Variants in CARMIL1 observed in about 807,000 individuals in gnomAD.
CARMIL1 encodes the protein capping protein regulator and myosin 1 linker 1.
In CARMIL1, 90 loss-of-function variants were observed where a neutral mutation model predicts 177.1. The observed-to-expected ratio is 0.51, with a 90% CI of 0.43 to 0.61. CARMIL1 has a LOEUF of 0.61. CARMIL1 is among the 20% of genes least tolerant of loss of function. The pLI, the probability that CARMIL1 is intolerant of heterozygous loss-of-function variation, is 0.00. For missense variants in CARMIL1, 1,380 were observed against 1,667.0 expected, an observed-to-expected ratio of 0.83 and a Z score of 3.00; for synonymous variants, 577 against 606.2, an observed-to-expected ratio of 0.95 and a Z score of 0.71.
At chr6:25,503,271 C>A (rs538970740) in intron 17 of CARMIL1, among the ~76,000 whole-genome samples, 1 of 152,306 alleles carries the variant, frequency 6.6e-6, no homozygotes, top group East Asian at 1.9e-4. Context: ...CCACTTATAA[C>A]CTGAATCACA....
intron 2 of CARMIL1, among the ~76,000 whole-genome samples, chr6:25,310,887 G>A (rs1435382250): frequency 6.6e-6 from 1 of 152,152 alleles, no homozygotes; most frequent in African/African-American, 2.4e-5. Context: ...CAGAGAAGAT[G>A]TACAAGCAAT....
At chr6:25,406,101 C>G (rs959555101) in intron 2 of CARMIL1, among the ~76,000 whole-genome samples, 3 of 152,140 alleles carry the variant, frequency 2.0e-5, no homozygotes, top group Non-Finnish European at 4.4e-5. Flanking sequence ...TCTAATGGGG[C>G]TGGTAGATAT....
chr6:25,381,536 C>T (rs557648344), intron 2 of CARMIL1, among the ~76,000 whole-genome samples: 4 of 152,190 alleles, frequency 2.6e-5, no homozygotes, highest in African/African-American at 9.6e-5. Context: ...TCTTGAGTTT[C>T]TATGAGCCCC....
chr6:25,362,458 T>C (rs1789317395), intron 2 of CARMIL1, among the ~76,000 whole-genome samples: 1 of 152,198 alleles, frequency 6.6e-6, no homozygotes, highest in Admixed American at 6.5e-5. Context: ...GTGGATCACC[T>C]GAGGTCCGGA....
intron 2 of CARMIL1, among the ~76,000 whole-genome samples, chr6:25,418,960 A>ATGAT (rs2150685072): frequency 6.6e-6 from 1 of 152,314 alleles, no homozygotes; most frequent in Admixed American, 6.5e-5. Context: ...GTGATGACAT[A>ATGAT]TGATTATTCA....
rs1428019784 is a variant in CARMIL1, at chr6:25,551,030, T to G, written c.2449T>G (p.Phe817Val). The G allele has an allele frequency of 6.8e-6, 11 of 1,613,374 alleles. No individual in the cohort carries two copies. The highest frequency in any genetic ancestry group is 9.3e-6 in the Non-Finnish European group (11 of 1,179,552). ...STEKISIPRT[F>V]VKNVLLEQSG... ...CGAAAAGATTTCTATTCCACGTACC[T>G]TTGTTAAAAATGTCCTGTTGGAGCA... The change falls in exon 27 of 37, where the codon TTT becomes GTT. Residue 817 changes from phenylalanine (F) to valine (V), a missense_variant. Transcript: ENST00000329474.
chr6:25,557,403 A>T (rs985189788), intron 29 of CARMIL1, among the ~76,000 whole-genome samples: 1 of 152,164 alleles, frequency 6.6e-6, no homozygotes, highest in Non-Finnish European at 1.5e-5. Context: ...TAGCATATCC[A>T]TCTGGCCCTA....
At chr6:25,581,512 C>A in intron 31 of CARMIL1, 73 bp downstream of exon 31, 2 of 1,372,314 alleles carry the variant, frequency 1.5e-6, no homozygotes, top group Non-Finnish European at 2.0e-6. Flanking sequence ...GAGGGTCTTG[C>A]TAAAGTGCTT....
In CARMIL1 at chr6:25,553,959, C is replaced by T. The variant is rs891874984; in HGVS notation, c.2505-50C>T. The T allele has an allele frequency of 5.7e-6, 7 of 1,224,344 alleles. No individual in the cohort carries two copies. The African/African-American group carries it at 9.0e-5, about 16-fold the overall frequency. 75.8% of individuals were successfully genotyped at this position (1,224,344 alleles called of 1,614,324 possible). A position where few individuals can be genotyped will look rare whatever the true frequency, so the allele number is the denominator to read the frequency against. The stretch of plus-strand genomic sequence containing the variant: ...ATAGCAGCAAGGGTGGATCATTTTC[C>T]CCTCTTGCACAAATTAAAATGGTAC... On this transcript the variant is annotated intron_variant, in intron 27 of 36. Coordinates refer to ENST00000329474, the MANE Select transcript of CARMIL1 (RefSeq NM_017640.6).
intron 2 of CARMIL1, among the ~76,000 whole-genome samples, chr6:25,362,269 G>T (rs1244898122): frequency 6.6e-6 from 1 of 152,160 alleles, no homozygotes; most frequent in Non-Finnish European, 1.5e-5. Context: ...GATTAAAAAA[G>T]AAAATCAGTA....
At chr6:25,438,682 G>A (rs897474426) in intron 5 of CARMIL1, among the ~76,000 whole-genome samples, 1 of 152,270 alleles carries the variant, frequency 6.6e-6, no homozygotes, top group Middle Eastern at 3.4e-3. Context: ...GAACAAAGAT[G>A]GGAAGGGATG....
At chr6:25,311,809 A>G (rs1783843233) in intron 2 of CARMIL1, among the ~76,000 whole-genome samples, 1 of 152,152 alleles carries the variant, frequency 6.6e-6, no homozygotes, top group Non-Finnish European at 1.5e-5. Context: ...TTAGAGGGCC[A>G]GGGGATAAGT....
intron 2 of CARMIL1, among the ~76,000 whole-genome samples, chr6:25,392,053 CATGTGTGT>C (rs1308295726): frequency 2.0e-4 from 21 of 107,642 alleles, no homozygotes; most frequent in African/African-American, 7.6e-4. Flanking sequence ...TGTGTATATG[CATGTGTGT>C]GTGTGTGTGT....
At chr6:25,530,120 G>A (rs1442098575) in intron 24 of CARMIL1, among the ~76,000 whole-genome samples, 1 of 151,430 alleles carries the variant, frequency 6.6e-6, no homozygotes, top group Non-Finnish European at 1.5e-5. Context: ...CACTAGAATT[G>A]ATCAGAATGA....
At chr6:25,495,269 GA>G in intron 16 of CARMIL1, 54 bp downstream of exon 16, 1 of 1,240,698 alleles carries the variant, frequency 8.1e-7, no homozygotes, top group South Asian at 1.4e-5. Context: ...TTATTTTTAC[GA>G]ATGTGCTTGA....
At chr6:25,279,868 T>G in intron 1 of CARMIL1, 33 bp downstream of exon 1, 1 of 1,611,594 alleles carries the variant, frequency 6.2e-7, no homozygotes, top group Non-Finnish European at 8.5e-7. Flanking sequence ...TTTTCCACCT[T>G]CCTCTGCGTA....
At chr6:25,419,299 TC>T (rs1195707342) in intron 2 of CARMIL1, among the ~76,000 whole-genome samples, 2 of 152,218 alleles carry the variant, frequency 1.3e-5, no homozygotes, top group African/African-American at 2.4e-5. Context: ...AGGGCAATTC[TC>T]CCATCAGGAC....
chr6:25,379,058 C>A (rs1380541101), intron 2 of CARMIL1, among the ~76,000 whole-genome samples: 4 of 152,114 alleles, frequency 2.6e-5, no homozygotes, highest in Admixed American at 6.5e-5. Context: ...GTTTTCTCAT[C>A]TGTAAAACTA....
At chr6:25,535,707 A>G (rs549521804) in intron 24 of CARMIL1, among the ~76,000 whole-genome samples, 2 of 152,278 alleles carry the variant, frequency 1.3e-5, no homozygotes, top group East Asian at 3.9e-4. Context: ...TTTCGTATTT[A>G]TGTACTTGAG....
Sources: gnomAD v4.1 joint callset for allele counts (sites outside exome capture counted in the v4.1 genomes callset) on GRCh38, gnomAD v4.1.1 for gene constraint, MANE v1.5 for transcripts, NCBI Gene and HGNC (gene_info 2026-07-23, HGNC 2026-07-21) for gene names.